SETD5: variants seen among roughly 807,000 people sequenced by gnomAD.
SETD5 encodes the protein SET domain containing 5, also known as histone-lysine N-methyltransferase SETD5.
A neutral mutation model predicts 153.3 loss-of-function variants in SETD5; 44 were observed. The observed-to-expected ratio is 0.29, with a 90% CI of 0.23 to 0.37. SETD5 has a LOEUF of 0.37. Ranked by LOEUF, SETD5 falls within the 10% of genes least tolerant of loss-of-function variation. The pLI is 1.00. For synonymous variants in SETD5, 716 were observed against 645.2 expected (o/e 1.11, Z -1.66); for missense variants, 1,544 against 1,768.0 (o/e 0.87, Z 2.27).
rs1054742587 is a variant in SETD5, at chr3:9,477,040, T to C, written c.*949T>C. ...GATCCCATGAGCAGGACCGCCTCCA[T>C]GATTGGGGAGCATGCACTTGTGACT... On this transcript the variant is annotated 3_prime_UTR_variant, in exon 23 of 23. Coordinates refer to ENST00000402198, the MANE Select transcript of SETD5 (RefSeq NM_001080517.3). 2.6e-5 allele frequency: 4 copies of C among 152,662 alleles called. No homozygotes were observed. Among genetic ancestry groups the C allele is most frequent in the Admixed American group, 1.3e-4 (2 of 15,286 alleles). The allele number at this position is 152,662 out of a possible 1,614,324, so 9.5% of individuals were successfully genotyped here. A position where few individuals can be genotyped will look rare whatever the true frequency, so the allele number is the denominator to read the frequency against.
intron 22 of SETD5, 78 bp from the exon 23 acceptor site, chr3:9,475,405 G>A: frequency 6.6e-7 from 1 of 1,521,720 alleles, no homozygotes; most frequent in Non-Finnish European, 8.8e-7. Flanking sequence ...AAAAAAGAAT[G>A]TAGGGTATTA....
chr3:9,422,973 C>G (rs1370896693), intron 1 of SETD5, among the ~76,000 whole-genome samples: 2 of 152,234 alleles, frequency 1.3e-5, no homozygotes, highest in South Asian at 4.1e-4. Context: ...CCTGCCAGTC[C>G]TCTTCACAGG....
At chr3:9,444,871 G>A (rs1372598570) in intron 11 of SETD5, among the ~76,000 whole-genome samples, 177 bp from the exon 12 acceptor site, 1 of 152,060 alleles carries the variant, frequency 6.6e-6, no homozygotes, top group African/African-American at 2.4e-5. Flanking sequence ...GCGAGATTCC[G>A]TCTCCAATAA....
At chr3:9,436,806 G>A (rs2040623749) in intron 7 of SETD5, 1 of 1,532,256 alleles carries the variant, frequency 6.5e-7, no homozygotes, top group Non-Finnish European at 8.8e-7. Flanking sequence ...GTCATTCTTG[G>A]TACCAAGTTT....
intron 1 of SETD5, among the ~76,000 whole-genome samples, chr3:9,408,376 A>G (rs1246557959): frequency 1.3e-5 from 2 of 152,136 alleles, no homozygotes; most frequent in East Asian, 3.8e-4. Flanking sequence ...TTAATTTTTT[A>G]TTATTAAAAA....
At position 9,453,836 on chromosome 3, in the gene SETD5, G is replaced by A. The variant is rs753283983; in HGVS notation, c.2444G>A (p.Ser815Asn). The A allele has an allele frequency of 2.3e-5, 37 of 1,598,812 alleles. No individual in the cohort carries two copies. The highest frequency in any genetic ancestry group is 3.0e-5 in the Non-Finnish European group (35 of 1,175,486). ...CACCTATACCAAAGCAATGAGAATA[G>A]TAGCTCTTCTAGTATCTGCAAAGAC... is the stretch of plus-strand genomic sequence containing the variant. ...TQHLYQSNEN[S>N]SSSSICKDNA... The change falls in exon 17 of 23, where the codon AGT becomes AAT. Residue 815 changes from serine (S) to asparagine (N), a missense_variant. Ser to Asn is a conservative substitution (Grantham distance 46). Around this residue, in one of 9 missense-constraint regions of SETD5, gnomAD observed 782 missense variants for 787.2 expected, o/e 0.99. Transcript: ENST00000402198.
intron 17 of SETD5, among the ~76,000 whole-genome samples, chr3:9,455,168 CTTTTTTTTT>C (rs903600741): frequency 3.0e-5 from 3 of 99,914 alleles, no homozygotes; most frequent in African/African-American, 4.0e-5. Flanking sequence ...TTCTTTTTTT[CTTTTTTTTT>C]TTTTTTTTTT....
Position 9,400,983 on chromosome 3 carries a change from T to TA in SETD5, c.-177+3007dup, listed in dbSNP as rs1428719212. On this transcript the variant is annotated intron_variant, in intron 1 of 22. Transcript: ENST00000402198. The stretch of plus-strand genomic sequence containing the variant: ...TCTTCCCCAAGACTCGTGTATCCTA[T>TA]ACTTTTTTCTCTCAGAATTTTGATT... Among the ~76,000 whole-genome samples the TA allele has an allele frequency of 3.3e-5, 5 of 152,376 alleles. No individual in the cohort carries two copies. In the East Asian group the frequency reaches 7.7e-4, roughly 23 times the overall value.
intron 1 of SETD5, among the ~76,000 whole-genome samples, chr3:9,422,891 G>T (rs1352551856): frequency 6.6e-6 from 1 of 152,164 alleles, no homozygotes; most frequent in Non-Finnish European, 1.5e-5. Flanking sequence ...AATGGCCAAG[G>T]TCCACAGCCT....
At chr3:9,425,782 C>G (rs548677893) in intron 2 of SETD5, among the ~76,000 whole-genome samples, 2 of 151,916 alleles carry the variant, frequency 1.3e-5, no homozygotes, top group Non-Finnish European at 2.9e-5. Context: ...CACCGTGAAA[C>G]CATGCATTTT....
At chr3:9,404,789 A>G (rs577420613) in intron 1 of SETD5, among the ~76,000 whole-genome samples, 2 of 152,338 alleles carry the variant, frequency 1.3e-5, no homozygotes, top group South Asian at 4.1e-4. Context: ...GTGAGACAGT[A>G]AGGGACCACA....
chr3:9,401,295 T>C (rs923594851), intron 1 of SETD5, among the ~76,000 whole-genome samples: 14 of 152,228 alleles, frequency 9.2e-5, no homozygotes, highest in Admixed American at 8.5e-4. Flanking sequence ...GGGTTTAAGA[T>C]AAAAATGTTT....
chr3:9,430,691 T>C, intron 3 of SETD5: 1 of 371,104 alleles, frequency 2.7e-6, no homozygotes, highest in Non-Finnish European at 3.7e-6. Context: ...GTTAAACCAA[T>C]ACGTTTGGAA....
At position 9,432,987 on chromosome 3, in the gene SETD5, G is replaced by A. The variant is rs146810294; in HGVS notation, c.72-858G>A. Among the ~76,000 whole-genome samples the A allele has an allele frequency of 2.6e-3, 389 of 152,312 alleles. 3 individuals are homozygous for A. The highest frequency in any genetic ancestry group is 8.8e-3 in the African/African-American group (367 of 41,566). The stretch of plus-strand genomic sequence containing the variant: ...TTTCAAATCTTAGCTGTGTCAGTGT[G>A]TAACCTTGGGGAAGTCATGTAATCT... On this transcript the variant is annotated intron_variant, in intron 3 of 22. Transcript: ENST00000402198.
rs1331494213 is a variant in SETD5, at chr3:9,447,679, G to A, written c.1783-7G>A. The stretch of plus-strand genomic sequence containing the variant: ...CTGGTAAGCATCTGACCCTACTATT[G>A]CTACAGGATATTGCTGCAGAAAAAC... On this transcript the variant is annotated splice_region_variant and splice_polypyrimidine_tract_variant and intron_variant, in intron 14 of 22. Transcript: ENST00000402198. The A allele has an allele frequency of 6.8e-6, 11 of 1,612,002 alleles. No homozygotes were observed. Among genetic ancestry groups the A allele is most frequent in the Non-Finnish European group, 8.5e-6 (10 of 1,178,482 alleles).
intron 1 of SETD5, among the ~76,000 whole-genome samples, chr3:9,420,054 A>C (rs2124891377): frequency 6.6e-6 from 1 of 152,276 alleles, no homozygotes; most frequent in African/African-American, 2.4e-5. Context: ...AGTCTAAATT[A>C]TTTGAGGGCA....
intron 2 of SETD5, among the ~76,000 whole-genome samples, chr3:9,426,634 C>G (rs2039290787): frequency 6.6e-6 from 1 of 152,088 alleles, no homozygotes; most frequent in South Asian, 2.1e-4. Context: ...CTCAAGTGAT[C>G]CACCCACCTT....
At chr3:9,474,943 C>A in intron 21 of SETD5, 125 bp from the exon 22 acceptor site, 2 of 838,126 alleles carry the variant, frequency 2.4e-6, no homozygotes, top group Non-Finnish European at 3.7e-6. Context: ...GCTGCACTCA[C>A]CCAATTTGTC....
At chr3:9,472,988 T>C (rs1050000194) in intron 19 of SETD5, among the ~76,000 whole-genome samples, 1 of 152,214 alleles carries the variant, frequency 6.6e-6, no homozygotes, top group African/African-American at 2.4e-5. Context: ...CAAACATTCT[T>C]TAGAGACTTG....
Sources: gnomAD v4.1 joint callset for allele counts (sites outside exome capture counted in the v4.1 genomes callset) on GRCh38, gnomAD v4.1.1 for gene constraint, gnomAD v4.1.1 regional missense constraint, MANE v1.5 for transcripts, NCBI Gene and HGNC (gene_info 2026-07-23, HGNC 2026-07-21) for gene names.